TENM3: variants seen among roughly 807,000 people sequenced by gnomAD.
TENM3 encodes the protein teneurin transmembrane protein 3.
A neutral mutation model predicts 255.1 loss-of-function variants in TENM3; 63 were observed. That is an observed-to-expected ratio of 0.25 (90% CI 0.20 to 0.30). The LOEUF (loss-of-function observed/expected upper bound fraction) is 0.30. TENM3 is among the 10% of genes least tolerant of loss of function. The probability of loss-of-function intolerance (pLI) is 1.00; values close to 1 mark genes in which losing one functional copy is unlikely to be tolerated. For synonymous variants in TENM3, 1,306 were observed against 1,322.3 expected (o/e 0.99, Z 0.27); for missense variants, 2,929 against 3,461.1 (o/e 0.85, Z 3.86).
At chr4:182,468,837 TGTG>T (rs750734464) in intron 3 of TENM3, among the ~76,000 whole-genome samples, 14 of 85,710 alleles carry the variant, frequency 1.6e-4, no homozygotes, top group Non-Finnish European at 3.4e-4. Flanking sequence ...TGTGTGTGTG[TGTG>T]TGTGTGTGTG....
chr4:181,549,215 G>A, the TENM3 span, among the ~76,000 whole-genome samples: 1 of 152,122 alleles, frequency 6.6e-6, no homozygotes, highest in African/African-American at 2.4e-5. Flanking sequence ...GAGAAACAGT[G>A]CCAATGGTAA....
At chr4:181,645,030 A>G in the TENM3 span, among the ~76,000 whole-genome samples, 1 of 152,218 alleles carries the variant, frequency 6.6e-6, no homozygotes, top group African/African-American at 2.4e-5. Flanking sequence ...TATTCTAAGC[A>G]CCTTCCTAAA....
chr4:182,072,686 A>C, the TENM3 span, among the ~76,000 whole-genome samples: 2 of 152,148 alleles, frequency 1.3e-5, no homozygotes, highest in Admixed American at 6.5e-5. Context: ...ACAGCTTCTT[A>C]AGGTGACACA....
chr4:181,900,718 C>T, the TENM3 span, among the ~76,000 whole-genome samples: 2 of 152,214 alleles, frequency 1.3e-5, no homozygotes, highest in African/African-American at 2.4e-5. Context: ...TGAAGTGCAA[C>T]AAAGAATAGG....
the TENM3 span, among the ~76,000 whole-genome samples, chr4:182,075,284 T>G: frequency 6.8e-6 from 1 of 146,562 alleles, no homozygotes; most frequent in African/African-American, 2.6e-5. Flanking sequence ...CTGCAACCTC[T>G]GCCTCCTGGG....
At chr4:181,706,497 C>T in the TENM3 span, among the ~76,000 whole-genome samples, 1 of 152,310 alleles carries the variant, frequency 6.6e-6, no homozygotes, top group East Asian at 1.9e-4. Context: ...TAAAGTTATA[C>T]ACAAGCCTAC....
the TENM3 span, among the ~76,000 whole-genome samples, chr4:181,490,052 A>G: frequency 1.4e-4 from 21 of 152,174 alleles, no homozygotes; most frequent in Non-Finnish European, 2.6e-4. Flanking sequence ...TTAAATACAT[A>G]TTAGTTGTAC....
At chr4:181,467,397 A>G in the TENM3 span, among the ~76,000 whole-genome samples, 4 of 151,182 alleles carry the variant, frequency 2.6e-5, no homozygotes, top group African/African-American at 9.8e-5. Flanking sequence ...GGCCTCCCTA[A>G]GTGCTGGGAT....
chr4:181,876,178 C>T, the TENM3 span, among the ~76,000 whole-genome samples: 1 of 152,164 alleles, frequency 6.6e-6, no homozygotes, highest in Non-Finnish European at 1.5e-5. Context: ...AGTTATTTTT[C>T]AATGACCAAG....
intron 3 of TENM3, among the ~76,000 whole-genome samples, chr4:182,538,349 A>C (rs1054567266): frequency 6.6e-6 from 1 of 152,358 alleles, no homozygotes; most frequent in South Asian, 2.1e-4. Context: ...ATAAATGTCA[A>C]GTCACCACTC....
At chr4:182,046,530 C>A in the TENM3 span, among the ~76,000 whole-genome samples, 1 of 145,654 alleles carries the variant, frequency 6.9e-6, no homozygotes, top group Non-Finnish European at 1.5e-5. Flanking sequence ...ATAGCAAGAC[C>A]CCAGCTGTAC....
At chr4:182,519,834 C>T (rs140107709) in intron 3 of TENM3, among the ~76,000 whole-genome samples, 5 of 152,144 alleles carry the variant, frequency 3.3e-5, no homozygotes, top group South Asian at 2.1e-4. Context: ...GAATTTCTAA[C>T]GGAATTTCTA....
At chr4:181,698,064 A>T in the TENM3 span, among the ~76,000 whole-genome samples, 1 of 151,956 alleles carries the variant, frequency 6.6e-6, no homozygotes, top group Admixed American at 6.5e-5. Flanking sequence ...AATACAAAAA[A>T]TTAGCTGGGT....
chr4:181,630,721 T>C, the TENM3 span, among the ~76,000 whole-genome samples: 1 of 152,190 alleles, frequency 6.6e-6, no homozygotes, highest in African/African-American at 2.4e-5. Flanking sequence ...TTAAAATTTC[T>C]GTTATTTTAC....
At chr4:182,375,056 G>A (rs1048388336) in intron 3 of TENM3, among the ~76,000 whole-genome samples, 6 of 152,048 alleles carry the variant, frequency 3.9e-5, no homozygotes, top group Admixed American at 3.9e-4. Flanking sequence ...ACTCTTTGCA[G>A]ATCAAAATCC....
At chr4:182,457,050 T>C (rs1294243988) in intron 3 of TENM3, among the ~76,000 whole-genome samples, 2 of 151,822 alleles carry the variant, frequency 1.3e-5, no homozygotes, top group South Asian at 4.2e-4. Flanking sequence ...CCGGGCGTGG[T>C]GACATGCGCC....
the TENM3 span, among the ~76,000 whole-genome samples, chr4:181,949,737 C>T: frequency 7.2e-5 from 11 of 152,156 alleles, no homozygotes; most frequent in African/African-American, 2.4e-4. Context: ...CACAATGGGC[C>T]TGCCCTCACC....
intron 1 of TENM3, among the ~76,000 whole-genome samples, chr4:182,205,985 C>A (rs1340314232): frequency 1.3e-5 from 2 of 151,898 alleles, no homozygotes; most frequent in East Asian, 3.9e-4. Context: ...TTCTCTGAAG[C>A]TGGCCAAAAG....
the TENM3 span, among the ~76,000 whole-genome samples, chr4:181,717,510 A>C: frequency 6.6e-6 from 1 of 152,206 alleles, no homozygotes; most frequent in Non-Finnish European, 1.5e-5. Context: ...GTGCAAATTG[A>C]AAGAGCACAT....
Sources: gnomAD v4.1 joint callset for allele counts (sites outside exome capture counted in the v4.1 genomes callset) on GRCh38, gnomAD v4.1.1 for gene constraint, MANE v1.5 for transcripts, NCBI Gene and HGNC (gene_info 2026-07-23, HGNC 2026-07-21) for gene names.